Variants in EDN1 observed in about 807,000 individuals in gnomAD.
EDN1 encodes endothelin 1, also known as endothelin-1.
Under a neutral mutation model 21.7 loss-of-function variants are expected in EDN1, and 11 were observed. That is an observed-to-expected ratio of 0.51 (90% CI 0.32 to 0.84). EDN1 has a LOEUF of 0.84. EDN1 is among the 40% of genes least tolerant of loss of function. EDN1 has a pLI of 0.03. For missense variants in EDN1, 244 were observed against 262.3 expected, an observed-to-expected ratio of 0.93 and a Z score of 0.48; for synonymous variants, 85 against 90.6, an observed-to-expected ratio of 0.94 and a Z score of 0.35.
upstream of EDN1, among the ~76,000 whole-genome samples, chr6:12,288,314 G>A (rs182611627): frequency 3.9e-5 from 6 of 152,188 alleles, no homozygotes; most frequent in African/African-American, 1.4e-4. Context: ...GGAGTGTTGG[G>A]GGGGAGGCGC....
chr6:12,268,032 C>T, the EDN1 span, among the ~76,000 whole-genome samples: 6 of 152,198 alleles, frequency 3.9e-5, no homozygotes, highest in South Asian at 2.1e-4. Flanking sequence ...TTAAGCTCAC[C>T]GTTTAGACCT....
chr6:12,279,788 A>G, the EDN1 span, among the ~76,000 whole-genome samples: 1 of 152,228 alleles, frequency 6.6e-6, no homozygotes, highest in African/African-American at 2.4e-5. Context: ...CAACAGTCCA[A>G]AAAGGAAAAT....
chr6:12,296,180 A>T lies in EDN1; in HGVS notation c.*113A>T, dbSNP rs561834799. 2 of 963,190 alleles carry T rather than the reference A, an allele frequency of 2.1e-6. No homozygotes were observed. Among genetic ancestry groups the T allele is most frequent in the East Asian group, 4.9e-5 (2 of 41,140 alleles). 59.7% of individuals were successfully genotyped at this position (963,190 alleles called of 1,614,324 possible). A position where few individuals can be genotyped will look rare whatever the true frequency, so the allele number is the denominator to read the frequency against. On this transcript the variant is annotated 3_prime_UTR_variant, in exon 5 of 5. Transcript: ENST00000379375. ...CAGGAGCATCCTCTGCTGGTTCCTG[A>T]CTGGCAAAGGACCAGCGTCCTCGTT... is the stretch of plus-strand genomic sequence containing the variant.
chr6:12,268,833 C>T, the EDN1 span, among the ~76,000 whole-genome samples: 1 of 151,902 alleles, frequency 6.6e-6, no homozygotes, highest in African/African-American at 2.4e-5. Context: ...TTAGGATCAA[C>T]TTTTTCTATT....
the EDN1 span, among the ~76,000 whole-genome samples, chr6:12,246,756 A>C: frequency 6.6e-6 from 1 of 150,858 alleles, no homozygotes. Context: ...AGAGGAAAGA[A>C]CCCTGGATCA....
At chr6:12,271,972 C>G in the EDN1 span, among the ~76,000 whole-genome samples, 1 of 152,042 alleles carries the variant, frequency 6.6e-6, no homozygotes, top group Non-Finnish European at 1.5e-5. Context: ...ATATTTTTCT[C>G]AAAAAGCCCC....
At chr6:12,245,229 G>A in the EDN1 span, among the ~76,000 whole-genome samples, 1 of 151,986 alleles carries the variant, frequency 6.6e-6, no homozygotes, top group Non-Finnish European at 1.5e-5. Context: ...CTGTGATATG[G>A]GTACATAGGA....
At chr6:12,273,604 C>CTTTTTTTTTTTTTTTTT in the EDN1 span, among the ~76,000 whole-genome samples, 1 of 83,344 alleles carries the variant, frequency 1.2e-5, no homozygotes. Flanking sequence ...GTAGGCAGGA[C>CTTTTTTTTTTTTTTTTT]TTTTTTTTTT....
At chr6:12,276,625 C>T in the EDN1 span, among the ~76,000 whole-genome samples, 138,288 of 152,270 alleles carry the variant, frequency 0.91, 62,857 homozygotes, top group East Asian at 1. Flanking sequence ...TAAATATGTA[C>T]GTTGGAGGGG....
chr6:12,276,802 G>T, the EDN1 span, among the ~76,000 whole-genome samples: 1 of 152,248 alleles, frequency 6.6e-6, no homozygotes, highest in African/African-American at 2.4e-5. Flanking sequence ...TGCCTGGGAG[G>T]CAGGGCCATT....
chr6:12,285,679 T>TC (rs1194380528), upstream of EDN1, among the ~76,000 whole-genome samples: 2 of 152,176 alleles, frequency 1.3e-5, no homozygotes, highest in African/African-American at 4.8e-5. Flanking sequence ...TCAATGATTC[T>TC]CCTGCCTCAG....
At chr6:12,286,378 A>G (rs1313985225), upstream of EDN1, among the ~76,000 whole-genome samples, 2 of 152,190 alleles carry the variant, frequency 1.3e-5, no homozygotes, top group African/African-American at 4.8e-5. Flanking sequence ...TAGCTCCTGG[A>G]GATGTGTGAT....
At chr6:12,249,347 T>TTGAGA in the EDN1 span, among the ~76,000 whole-genome samples, 1 of 152,150 alleles carries the variant, frequency 6.6e-6, no homozygotes, top group Non-Finnish European at 1.5e-5. Flanking sequence ...AATCTCATGC[T>TTGAGA]TTGAAGAACT....
the EDN1 span, among the ~76,000 whole-genome samples, chr6:12,260,981 A>C: frequency 6.6e-6 from 1 of 152,238 alleles, no homozygotes; most frequent in Non-Finnish European, 1.5e-5. Context: ...ATATGACAAA[A>C]GCTATAAACA....
chr6:12,278,338 C>G, the EDN1 span, among the ~76,000 whole-genome samples: 1 of 152,158 alleles, frequency 6.6e-6, no homozygotes, highest in Non-Finnish European at 1.5e-5. Flanking sequence ...TCTCTGCCTT[C>G]CTCAAGCCAC....
In EDN1 at chr6:12,296,176, C is replaced by T. The variant is rs1420615225; in HGVS notation, c.*109C>T. On this transcript the variant is annotated 3_prime_UTR_variant, in exon 5 of 5. Transcript: ENST00000379375. Reference sequence around the variant, plus strand: ...AGAGCAGGAGCATCCTCTGCTGGTTCCTGACTGGCAAAGGACCAGCGTCCT... The same window carrying T: ...AGAGCAGGAGCATCCTCTGCTGGTTTCTGACTGGCAAAGGACCAGCGTCCT... 4 of 995,536 alleles carry T rather than the reference C, an allele frequency of 4.0e-6. No individual in the cohort carries two copies. In the South Asian group the frequency reaches 5.1e-5, roughly 13 times the overall value. 61.7% of individuals were successfully genotyped at this position (995,536 alleles called of 1,614,324 possible).
chr6:12,261,936 AT>A, the EDN1 span, among the ~76,000 whole-genome samples: 3 of 152,190 alleles, frequency 2.0e-5, no homozygotes, highest in Admixed American at 2.0e-4. Flanking sequence ...AGTCCCTTAG[AT>A]AACTAGGGAG....
chr6:12,288,518 G>C (rs1762603620), upstream of EDN1, among the ~76,000 whole-genome samples: 1 of 123,306 alleles, frequency 8.1e-6, no homozygotes, highest in South Asian at 2.3e-4. Flanking sequence ...CGGAGGCCAG[G>C]GGCCCCGGCA....
the EDN1 span, among the ~76,000 whole-genome samples, chr6:12,232,447 A>C: frequency 1.3e-5 from 2 of 152,018 alleles, no homozygotes; most frequent in Non-Finnish European, 2.9e-5. Context: ...GTACTCATAA[A>C]ATTCAGAGAA....
Sources: allele counts gnomAD v4.1 joint callset (sites outside exome capture counted in the v4.1 genomes callset), GRCh38; gene constraint gnomAD v4.1.1; transcripts MANE v1.5; gene names NCBI Gene and HGNC (gene_info 2026-07-23, HGNC 2026-07-21).